The following MDGA2 variants were observed in gnomAD, a reference collection of about 807,000 sequenced individuals.
MDGA2 encodes the protein MAM domain-containing glycosylphosphatidylinositol anchor protein 2.
A neutral mutation model predicts 117.8 loss-of-function variants in MDGA2; 40 were observed. The ratio of observed to expected loss-of-function variants is 0.34; its 90% confidence interval spans 0.26 to 0.44. MDGA2 has a LOEUF of 0.44. Among genes scored for constraint, MDGA2 ranks in the 20% least tolerant of loss-of-function variants. The pLI, the probability that MDGA2 is intolerant of heterozygous loss-of-function variation, is 1.00. For synonymous variants in MDGA2, 452 were observed against 439.0 expected (o/e 1.03, Z -0.37); for missense variants, 1,123 against 1,250.6 (o/e 0.90, Z 1.54).
At chr14:47,534,890 C>A (rs888683069) in intron 1 of MDGA2, among the ~76,000 whole-genome samples, 38 of 152,320 alleles carry the variant, frequency 2.5e-4, no homozygotes, top group African/African-American at 8.4e-4. Context: ...ACTGAAGCAC[C>A]TAAATGTCTC....
At chr14:46,900,647 G>A (rs1317715770) in intron 10 of MDGA2, among the ~76,000 whole-genome samples, 6 of 152,136 alleles carry the variant, frequency 3.9e-5, no homozygotes, top group East Asian at 1.9e-4. Context: ...TGTAACAACT[G>A]TGAAATAATA....
chr14:47,162,319 T>C (rs1883677790), intron 3 of MDGA2, among the ~76,000 whole-genome samples: 1 of 152,108 alleles, frequency 6.6e-6, no homozygotes, highest in African/African-American at 2.4e-5. Context: ...TCTTAGACTG[T>C]ATAATATAAA....
chr14:47,107,372 AC>A (rs1880764418), intron 5 of MDGA2, among the ~76,000 whole-genome samples: 1 of 152,018 alleles, frequency 6.6e-6, no homozygotes, highest in South Asian at 2.1e-4. Flanking sequence ...GTGGTGCCAA[AC>A]CCATATACTC....
chr14:47,123,061 CAG>C (rs1881732065), intron 5 of MDGA2, among the ~76,000 whole-genome samples: 1 of 151,846 alleles, frequency 6.6e-6, no homozygotes, highest in Admixed American at 6.6e-5. Context: ...TGCTAAAACA[CAG>C]ATTATTTGAT....
intron 3 of MDGA2, chr14:47,200,742 A>C (rs1885472027): frequency 1.1e-6 from 1 of 872,644 alleles, no homozygotes; most frequent in Admixed American, 2.0e-5. Context: ...ACTGCCTGCT[A>C]CTTCCAGCCA....
chr14:47,493,082 T>C (rs1894205844), intron 1 of MDGA2, among the ~76,000 whole-genome samples: 1 of 151,974 alleles, frequency 6.6e-6, no homozygotes, highest in African/African-American at 2.4e-5. Context: ...AGTGCATAGG[T>C]ATCATGAATG....
intron 2 of MDGA2, among the ~76,000 whole-genome samples, chr14:47,281,221 C>T (rs1445388040): frequency 6.6e-6 from 1 of 150,980 alleles, no homozygotes; most frequent in African/African-American, 2.4e-5. Flanking sequence ...AGAATCTGGA[C>T]AAGGTCTATC....
chr14:47,097,055 C>A lies in MDGA2; in HGVS notation c.994G>T (p.Val332Leu), dbSNP rs774465689. ...GGCTCTCCTCCTGTTGTAACACATA[C>A]TAATGTTATGGCCTCTCCAGGATTT... ...VVNPGEAITL[V>L]CVTTGGEPAP... Residue 332 changes from valine (V) to leucine (L), a missense_variant, in exon 6 of 17, where the codon GTA becomes TTA. By Grantham distance (32) the Val-to-Leu change is conservative (BLOSUM62 1). Around this residue, in one of 2 missense-constraint regions of MDGA2, gnomAD observed 890 missense variants for 1,050.3 expected, o/e 0.85. Transcript: ENST00000399232. The A allele has an allele frequency of 6.2e-7, 1 of 1,613,288 alleles. No individual in the cohort carries two copies. The highest frequency in any genetic ancestry group is 8.5e-7 in the Non-Finnish European group (1 of 1,179,424).
chr14:47,018,696 G>A (rs915662634), intron 8 of MDGA2, among the ~76,000 whole-genome samples: 1 of 116,844 alleles, frequency 8.6e-6, no homozygotes, highest in Non-Finnish European at 1.6e-5. Flanking sequence ...GGCAGGCCAA[G>A]CAACTTCCCA....
At chr14:47,508,706 G>C (rs377392180) in intron 1 of MDGA2, among the ~76,000 whole-genome samples, 1 of 152,156 alleles carries the variant, frequency 6.6e-6, no homozygotes, top group East Asian at 1.9e-4. Context: ...TTGAGACAGA[G>C]TCTCACACTG....
In MDGA2 at chr14:47,495,653, CT is replaced by C. The variant is rs570183434; in HGVS notation, c.280+178863del. Among the ~76,000 whole-genome samples the C allele has an allele frequency of 5.9e-5, 9 of 152,254 alleles. No homozygotes were observed. In the East Asian group the frequency reaches 1.7e-3, roughly 29 times the overall value. On this transcript the variant is annotated intron_variant, in intron 1 of 16. Transcript: ENST00000399232. ...TATCTGCAAAATGTGATAGACCTAC[CT>C]TCAAGGAATGTTATTTGTGGTGATT...
rs191905352 is a variant in MDGA2 at position 47,628,541 on chromosome 14, G to A, written c.280+45976C>T. ...CTAAGAAATTGTATAATACAGAACTGCCTATAGAGGGTTCTCACTAAGTAT... is the reference window on the plus strand; with the variant it reads ...CTAAGAAATTGTATAATACAGAACTACCTATAGAGGGTTCTCACTAAGTAT... On this transcript the variant is annotated intron_variant, in intron 1 of 16. Transcript: ENST00000399232. Among the ~76,000 whole-genome samples, 92 of 152,304 alleles carry A rather than the reference G, an allele frequency of 6.0e-4. No individual in the cohort carries two copies. In the South Asian group the frequency reaches 0.012, roughly 20 times the overall value.
At chr14:47,019,238 C>T (rs997053159) in intron 8 of MDGA2, among the ~76,000 whole-genome samples, 6 of 151,938 alleles carry the variant, frequency 3.9e-5, no homozygotes, top group Admixed American at 1.3e-4. Flanking sequence ...AAAACAATGC[C>T]GATGTCTTGA....
At chr14:47,219,385 T>C (rs972745894) in intron 2 of MDGA2, among the ~76,000 whole-genome samples, 1 of 152,058 alleles carries the variant, frequency 6.6e-6, no homozygotes, top group Non-Finnish European at 1.5e-5. Flanking sequence ...TTTAAAAATC[T>C]GTAAATCACA....
chr14:46,923,495 T>C (rs889933498), intron 9 of MDGA2, among the ~76,000 whole-genome samples: 2 of 152,108 alleles, frequency 1.3e-5, no homozygotes, highest in Non-Finnish European at 2.9e-5. Flanking sequence ...AAGTTTTTTT[T>C]AGTTGAATAA....
At chr14:47,564,407 AT>A (rs1895877276) in intron 1 of MDGA2, among the ~76,000 whole-genome samples, 1 of 152,210 alleles carries the variant, frequency 6.6e-6, no homozygotes, top group Non-Finnish European at 1.5e-5. Context: ...CCTCACAATC[AT>A]GGTGGAAGGC....
intron 1 of MDGA2, among the ~76,000 whole-genome samples, chr14:47,313,621 G>A (rs544676100): frequency 2.0e-5 from 3 of 152,070 alleles, no homozygotes; most frequent in African/African-American, 7.2e-5. Flanking sequence ...AAAAACAAGT[G>A]GTCTATACAT....
chr14:47,063,678 A>C (rs2138798984), intron 6 of MDGA2, among the ~76,000 whole-genome samples: 1 of 152,166 alleles, frequency 6.6e-6, no homozygotes, highest in African/African-American at 2.4e-5. Context: ...TTCATTTGCT[A>C]AGAATTTTCT....
rs542523142 is a variant in MDGA2 at position 47,501,119 on chromosome 14, T to A, written c.280+173398A>T. Reference sequence around the variant, plus strand: ...ATGATATGATGTAACATTTAAAAAATCTGAACTTAAATATGATCAAACCTC... The same window carrying A: ...ATGATATGATGTAACATTTAAAAAAACTGAACTTAAATATGATCAAACCTC... On this transcript the variant is annotated intron_variant, in intron 1 of 16. Transcript: ENST00000399232. Among the ~76,000 whole-genome samples, 6 of 152,244 alleles carry A rather than the reference T, an allele frequency of 3.9e-5. No homozygotes were observed. The South Asian group carries it at 1.2e-3, about 32-fold the overall frequency.
Sources: allele counts gnomAD v4.1 joint callset (sites outside exome capture counted in the v4.1 genomes callset), GRCh38; gene constraint gnomAD v4.1.1; regional missense constraint gnomAD v4.1.1; transcripts MANE v1.5; gene names NCBI Gene and HGNC (gene_info 2026-07-23, HGNC 2026-07-21).